Variants in PFKFB3 observed in about 807,000 individuals in gnomAD.
PFKFB3 encodes 6-phosphofructo-2-kinase/fructose-2,6-bisphosphatase 3.
A neutral mutation model predicts 68.0 loss-of-function variants in PFKFB3; 33 were observed. That is an observed-to-expected ratio of 0.49 (90% CI 0.37 to 0.65). The LOEUF (loss-of-function observed/expected upper bound fraction) is 0.65. PFKFB3 is among the 30% of genes least tolerant of loss of function. The pLI is 0.00. For missense variants in PFKFB3, 586 were observed against 712.2 expected (o/e 0.82, Z 2.02); for synonymous variants, 315 against 288.2 (o/e 1.09, Z -0.94).
chr10:6,228,110 G>A lies in PFKFB3; in HGVS notation c.1515+1745G>A, dbSNP rs1230184543. ...TAGGGACGTCTGAAGCTGCTGGCTG[G>A]GCCGGCGTGGGGTTTTTCAGGGCTT... On this transcript the variant is annotated intron_variant, in intron 14 of 14. Coordinates refer to ENST00000379775, the MANE Select transcript of PFKFB3 (RefSeq NM_004566.4). This position sits in a 1 kb window ranked among gnomAD's most constrained non-coding sequence, Gnocchi z 4.5. The A allele has an allele frequency of 4.4e-5, 64 of 1,467,218 alleles. No homozygotes were observed. Among genetic ancestry groups the A allele is most frequent in the Non-Finnish European group, 5.9e-5 (62 of 1,049,516 alleles). The allele number at this position is 1,467,218 out of a possible 1,614,324, so 90.9% of individuals were successfully genotyped here.
At chr10:6,216,031 G>T in intron 3 of PFKFB3, 94 bp from the exon 4 acceptor site, 3 of 1,103,468 alleles carry the variant, frequency 2.7e-6, no homozygotes, top group Non-Finnish European at 4.2e-6. Context: ...GGAACCACCA[G>T]TTACTCTGCT....
the PFKFB3 span, among the ~76,000 whole-genome samples, chr10:6,281,689 A>G: frequency 6.6e-6 from 1 of 152,078 alleles, no homozygotes; most frequent in Non-Finnish European, 1.5e-5. Context: ...AAAAAAAGTT[A>G]TACTGGGGCA....
chr10:6,267,364 C>G, the PFKFB3 span, among the ~76,000 whole-genome samples: 2 of 152,236 alleles, frequency 1.3e-5, no homozygotes, highest in African/African-American at 4.8e-5. Flanking sequence ...GGAGAAGGAA[C>G]TGTGGGTTTC....
chr10:6,170,465 C>G (rs3763699), intron 1 of PFKFB3, among the ~76,000 whole-genome samples: 32,363 of 152,094 alleles, frequency 0.21, 4,158 homozygotes, highest in African/African-American at 0.35. Context: ...GCCTGTAATC[C>G]CAGCACTTTG....
At chr10:6,288,352 C>T in the PFKFB3 span, among the ~76,000 whole-genome samples, 1 of 101,440 alleles carries the variant, frequency 9.9e-6, no homozygotes, top group Non-Finnish European at 1.9e-5. Context: ...ATCCCTCCCC[C>T]CTCCCCCCAC....
intron 1 of PFKFB3, among the ~76,000 whole-genome samples, chr10:6,187,849 T>C (rs757000438): frequency 2.0e-5 from 3 of 152,164 alleles, no homozygotes; most frequent in Non-Finnish European, 2.9e-5. Flanking sequence ...CCAGACTTAA[T>C]AGAAAAGTTG....
chr10:6,298,733 T>C, the PFKFB3 span, among the ~76,000 whole-genome samples: 1 of 152,292 alleles, frequency 6.6e-6, no homozygotes, highest in East Asian at 1.9e-4. Flanking sequence ...TTCAGGAGCA[T>C]TCCAGCTGTG....
chr10:6,325,692 A>G, the PFKFB3 span, among the ~76,000 whole-genome samples: 3 of 152,204 alleles, frequency 2.0e-5, no homozygotes, highest in Non-Finnish European at 4.4e-5. Context: ...TGTTCCGTTA[A>G]TGCTCAATTT....
chr10:6,173,074 G>A lies in PFKFB3; in HGVS notation c.16+28061G>A, dbSNP rs186671704. Among the ~76,000 whole-genome samples, 7 of 152,266 alleles carry A rather than the reference G, an allele frequency of 4.6e-5. No homozygotes were observed. In the East Asian group the frequency reaches 1.2e-3, roughly 25 times the overall value. On this transcript the variant is annotated intron_variant, in intron 1 of 14. Coordinates refer to the PFKFB3 transcript ENST00000379789. ...GCCTGCATGTCCTTCAACCTGGGAC[G>A]TCCACTCTCTCTCAGTTCTGTCCTC...
At chr10:6,167,622 A>T (rs1842182709) in intron 1 of PFKFB3, among the ~76,000 whole-genome samples, 1 of 152,204 alleles carries the variant, frequency 6.6e-6, no homozygotes, top group African/African-American at 2.4e-5. Flanking sequence ...ACAGTTTCTT[A>T]TCAAGAACTC....
At chr10:6,237,024 G>A (rs909051437), downstream of PFKFB3, among the ~76,000 whole-genome samples, 4 of 152,166 alleles carry the variant, frequency 2.6e-5, no homozygotes, top group Admixed American at 6.5e-5. Flanking sequence ...CTTAGCTCCG[G>A]CCACACTGGC....
At chr10:6,194,640 T>C (rs1843124658) in intron 1 of PFKFB3, among the ~76,000 whole-genome samples, 2 of 152,158 alleles carry the variant, frequency 1.3e-5, no homozygotes, top group South Asian at 4.1e-4. Context: ...GCAAACAGCT[T>C]GGAGCCAAAG....
At chr10:6,183,261 G>A (rs1486555916) in intron 1 of PFKFB3, among the ~76,000 whole-genome samples, 5 of 152,182 alleles carry the variant, frequency 3.3e-5, no homozygotes, top group South Asian at 2.1e-4. Context: ...AGAAAAGTCC[G>A]CAGGCCCAGC....
In PFKFB3 at chr10:6,220,193, C is replaced by A. The variant is rs538141338; in HGVS notation, c.624-465C>A. ...CATAGCTCACTGCAGGTTCAAACTTCTGGGCTCAAGTAATCCTACCGCCTC... is the reference window on the plus strand; with the variant it reads ...CATAGCTCACTGCAGGTTCAAACTTATGGGCTCAAGTAATCCTACCGCCTC... On this transcript the variant is annotated intron_variant, in intron 7 of 14. Coordinates refer to ENST00000379775, the MANE Select transcript of PFKFB3 (RefSeq NM_004566.4). The surrounding 1 kb of genome is among the most constrained non-coding windows in gnomAD (Gnocchi z 4.1). Among the ~76,000 whole-genome samples, 1 of 150,106 alleles carries A rather than the reference C, an allele frequency of 6.7e-6. No individual in the cohort carries two copies. The highest frequency in any genetic ancestry group is 1.9e-4 in the East Asian group (1 of 5,154).
intron 14 of PFKFB3, among the ~76,000 whole-genome samples, chr10:6,248,442 G>A (rs764992798): frequency 5.9e-5 from 9 of 151,780 alleles, no homozygotes; most frequent in Admixed American, 1.3e-4. Flanking sequence ...AAGCCTGGCC[G>A]ACATAGTGAA....
the PFKFB3 span, among the ~76,000 whole-genome samples, chr10:6,297,614 A>G: frequency 6.6e-6 from 1 of 152,118 alleles, no homozygotes; most frequent in Non-Finnish European, 1.5e-5. Context: ...AGATGTCCCC[A>G]TGAGGGGTAC....
intron 1 of PFKFB3, among the ~76,000 whole-genome samples, chr10:6,162,861 G>C (rs1341799505): frequency 6.6e-6 from 1 of 152,198 alleles, no homozygotes; most frequent in Admixed American, 6.5e-5. Context: ...TTTCAGTGGA[G>C]GATGGTCCTT....
the PFKFB3 span, among the ~76,000 whole-genome samples, chr10:6,266,948 G>A: frequency 8.5e-5 from 13 of 152,344 alleles, no homozygotes; most frequent in South Asian, 1.2e-3. Flanking sequence ...AAGATTGTCT[G>A]CGGAATTTGG....
intron 4 of PFKFB3, 75 bp downstream of exon 4, chr10:6,216,266 C>A: frequency 1.5e-6 from 2 of 1,363,426 alleles, no homozygotes; most frequent in Non-Finnish European, 2.1e-6. Context: ...TGGGGTGTAC[C>A]GAGACCTGTG....
Sources: gnomAD v4.1 joint callset for allele counts (sites outside exome capture counted in the v4.1 genomes callset) on GRCh38, gnomAD v4.1.1 for gene constraint, Gnocchi (gnomAD v3.1) non-coding constraint, MANE v1.5 for transcripts, NCBI Gene and HGNC (gene_info 2026-07-23, HGNC 2026-07-21) for gene names.